The following ARHGAP6 variants were observed in gnomAD, a reference collection of about 807,000 sequenced individuals.
The protein encoded by ARHGAP6 is Rho GTPase activating protein 6, also known as rho GTPase-activating protein 6.
A neutral mutation model predicts 55.7 loss-of-function variants in ARHGAP6; 16 were observed. The observed-to-expected ratio is 0.29, with a 90% CI of 0.19 to 0.44. ARHGAP6 has a LOEUF of 0.44. Ranked by LOEUF, ARHGAP6 falls within the 20% of genes least tolerant of loss-of-function variation. The pLI is 1.00. For missense variants in ARHGAP6, 698 were observed against 808.9 expected, an observed-to-expected ratio of 0.86 and a Z score of 1.66; for synonymous variants, 382 against 360.9, an observed-to-expected ratio of 1.06 and a Z score of -0.66.
chrX:11,657,881 G>A (rs994473798), intron 1 of ARHGAP6, among the ~76,000 whole-genome samples: 8 of 111,722 alleles, frequency 7.2e-5, no homozygotes, highest in African/African-American at 2.6e-4. Context: ...GAGCAGGGAG[G>A]GGACGTGGTA....
At chrX:11,225,924 T>A (rs1409600515) in intron 2 of ARHGAP6, among the ~76,000 whole-genome samples, 1 of 110,382 alleles carries the variant, frequency 9.1e-6, no homozygotes, top group Non-Finnish European at 1.9e-5. Context: ...TTAACTGACT[T>A]CTAGGATTTA....
chrX:11,347,907 G>A (rs1196051821), intron 1 of ARHGAP6, among the ~76,000 whole-genome samples: 1 of 111,531 alleles, frequency 9.0e-6, no homozygotes, highest in Non-Finnish European at 1.9e-5. Context: ...TAGGAACTAT[G>A]ACAAACTACA....
chrX:11,499,538 G>A (rs2050655869), intron 1 of ARHGAP6, among the ~76,000 whole-genome samples: 1 of 111,295 alleles, frequency 9.0e-6, no homozygotes, highest in South Asian at 3.8e-4. Context: ...TCCCCTCTGG[G>A]GCCTCCAGGA....
chrX:11,421,764 C>A (rs2049826385), intron 1 of ARHGAP6, among the ~76,000 whole-genome samples: 1 of 111,550 alleles, frequency 9.0e-6, no homozygotes, highest in African/African-American at 3.3e-5. Flanking sequence ...TTGCCAAACC[C>A]AGCTGATATT....
intron 1 of ARHGAP6, among the ~76,000 whole-genome samples, chrX:11,538,726 T>C (rs2051127561): frequency 9.0e-6 from 1 of 111,703 alleles, no homozygotes; most frequent in Admixed American, 9.5e-5. Context: ...TCAGCATAGA[T>C]TAATTGAAAC....
chrX:11,397,722 A>C (rs981091471), intron 1 of ARHGAP6, among the ~76,000 whole-genome samples: 2 of 110,929 alleles, frequency 1.8e-5, no homozygotes, highest in Non-Finnish European at 3.8e-5. Flanking sequence ...CAAAAAATAC[A>C]AACACAAAAA....
chrX:11,282,221 C>T (rs956176491), intron 1 of ARHGAP6, among the ~76,000 whole-genome samples: 5 of 112,224 alleles, frequency 4.5e-5, no homozygotes, highest in Non-Finnish European at 7.5e-5. Context: ...GTAATTCACT[C>T]GGATGGGTGG....
intron 1 of ARHGAP6, chrX:11,351,305 C>G: frequency 1.1e-6 from 1 of 898,378 alleles, no homozygotes; most frequent in Non-Finnish European, 1.4e-6. Context: ...TATATTTGTG[C>G]CTGGATCAAG....
intron 1 of ARHGAP6, among the ~76,000 whole-genome samples, chrX:11,446,966 C>A (rs931867894): frequency 1.8e-5 from 2 of 111,795 alleles, no homozygotes; most frequent in African/African-American, 6.5e-5. Flanking sequence ...AACAGATTTG[C>A]AATCTAATGT....
intron 1 of ARHGAP6, among the ~76,000 whole-genome samples, chrX:11,658,927 C>A (rs1275724567): frequency 9.1e-6 from 1 of 109,872 alleles, no homozygotes; most frequent in African/African-American, 3.3e-5. Context: ...ACGCCAGTAG[C>A]ACACTCCTGC....
intron 1 of ARHGAP6, among the ~76,000 whole-genome samples, chrX:11,482,303 G>T (rs765701381): frequency 1.8e-5 from 2 of 112,236 alleles, no homozygotes; most frequent in African/African-American, 6.5e-5. Context: ...AAAGAGGAAT[G>T]GCACTAGAAG....
At chrX:11,295,872 G>A (rs778333892) in intron 1 of ARHGAP6, among the ~76,000 whole-genome samples, 2 of 111,601 alleles carry the variant, frequency 1.8e-5, no homozygotes, top group Admixed American at 9.5e-5. Flanking sequence ...CCTAAATGAG[G>A]CCAATGTCTG....
At chrX:11,180,025 T>C (rs902916174) in intron 6 of ARHGAP6, among the ~76,000 whole-genome samples, 3 of 109,650 alleles carry the variant, frequency 2.7e-5, no homozygotes, top group Admixed American at 9.8e-5. Flanking sequence ...ATTTTTTTTT[T>C]CTGCAAAAAT....
chrX:11,145,819 A>G (rs1466695779), intron 10 of ARHGAP6, among the ~76,000 whole-genome samples: 1 of 112,758 alleles, frequency 8.9e-6, no homozygotes, highest in Middle Eastern at 4.2e-3. Context: ...GTGTGGAGTC[A>G]CAGCCCTGAA....
intron 1 of ARHGAP6, among the ~76,000 whole-genome samples, chrX:11,544,724 C>A (rs888073866): frequency 1.8e-5 from 2 of 111,999 alleles, no homozygotes; most frequent in Non-Finnish European, 3.8e-5. Context: ...CGTGTGATTT[C>A]TTTCTTGCGA....
intron 1 of ARHGAP6, among the ~76,000 whole-genome samples, chrX:11,491,911 A>T (rs188930264): frequency 0.032 from 3,316 of 102,830 alleles, 141 homozygotes; most frequent in East Asian, 0.078. Context: ...CCATTCTAAC[A>T]GGTGTAAGAT....
intron 1 of ARHGAP6, among the ~76,000 whole-genome samples, chrX:11,422,407 G>A (rs1208753826): frequency 3.6e-5 from 4 of 111,741 alleles, no homozygotes; most frequent in African/African-American, 1.3e-4. Context: ...GTGGGGTGTG[G>A]TATGAGGCAG....
At chrX:11,366,245 G>A (rs2049076586) in intron 1 of ARHGAP6, among the ~76,000 whole-genome samples, 1 of 112,020 alleles carries the variant, frequency 8.9e-6, no homozygotes, top group Non-Finnish European at 1.9e-5. Flanking sequence ...GTGGCATAAT[G>A]GCAGTTATAT....
chrX:11,477,381 T>C (rs933686744), intron 1 of ARHGAP6, among the ~76,000 whole-genome samples: 5 of 111,725 alleles, frequency 4.5e-5, no homozygotes, highest in African/African-American at 1.6e-4. Flanking sequence ...TATGGAACAA[T>C]TGGAACTCTC....
Sources: gnomAD v4.1 joint callset for allele counts (sites outside exome capture counted in the v4.1 genomes callset) on GRCh38, gnomAD v4.1.1 for gene constraint, MANE v1.5 for transcripts, NCBI Gene and HGNC (gene_info 2026-07-23, HGNC 2026-07-21) for gene names.